Variants in MARK4 observed in about 807,000 individuals in gnomAD.
MARK4 encodes the protein microtubule affinity regulating kinase 4, also known as MAP/microtubule affinity-regulating kinase 4.
MARK4 carries 19 observed loss-of-function variants against 81.5 expected under a neutral mutation model. The observed-to-expected ratio is 0.23, with a 90% CI of 0.16 to 0.34. The LOEUF is 0.34. Among genes scored for constraint, MARK4 ranks in the 10% least tolerant of loss-of-function variants. The pLI, the probability that MARK4 is intolerant of heterozygous loss-of-function variation, is 1.00. For synonymous variants in MARK4, 436 were observed against 439.0 expected (o/e 0.99, Z 0.08); for missense variants, 772 against 1,058.8 (o/e 0.73, Z 3.76).
intron 15 of MARK4, 124 bp downstream of exon 15, chr19:45,298,078 T>TTTC (rs981243495): frequency 2.1e-4 from 293 of 1,428,478 alleles, no homozygotes; most frequent in Non-Finnish European, 2.7e-4. Flanking sequence ...CTCCTCCTCG[T>TTTC]TTCCTCCTCC....
chr19:45,286,371 A>G (rs1023710802), intron 12 of MARK4, among the ~76,000 whole-genome samples: 3 of 148,770 alleles, frequency 2.0e-5, no homozygotes, highest in Admixed American at 2.0e-4. Context: ...GGGTTTTAAT[A>G]TGAATTCCTT....
At chr19:45,289,778 A>G (rs549798642) in intron 13 of MARK4, among the ~76,000 whole-genome samples, 1 of 151,868 alleles carries the variant, frequency 6.6e-6, no homozygotes, top group South Asian at 2.1e-4. Flanking sequence ...TCAAAACAAA[A>G]CAAAACAAAA....
At chr19:45,260,896 T>A (rs570185894) in intron 2 of MARK4, among the ~76,000 whole-genome samples, 1 of 152,256 alleles carries the variant, frequency 6.6e-6, no homozygotes, top group East Asian at 1.9e-4. Flanking sequence ...AGAGCAGGCA[T>A]CTGTGCTGAG....
chr19:45,290,828 GACTCCAGGGC>G (rs1264399386), intron 13 of MARK4, among the ~76,000 whole-genome samples: 1 of 152,208 alleles, frequency 6.6e-6, no homozygotes, highest in Non-Finnish European at 1.5e-5. Flanking sequence ...CAGGGCCCTG[GACTCCAGGGC>G]TGTGCAGAGC....
At position 45,253,856 on chromosome 19, in the gene MARK4, G is replaced by A. The variant is rs75996535; in HGVS notation, c.51+2217G>A. 4.9e-3 allele frequency among the ~76,000 whole-genome samples: 750 copies of A among 152,186 alleles called. 18 individuals are homozygous for A. In the East Asian group the frequency reaches 0.053, roughly 11 times the overall value. ...TGTCCCTCCCTAGCTGTGTGACCTC[G>A]GGCAAGTAACCTTACCTCTCTGAGC... On this transcript the variant is annotated intron_variant, in intron 1 of 16. Coordinates refer to ENST00000262891, the MANE Select transcript of MARK4 (RefSeq NM_001199867.2).
intron 1 of MARK4, among the ~76,000 whole-genome samples, chr19:45,251,914 C>T (rs1970247289): frequency 6.6e-6 from 1 of 151,944 alleles, no homozygotes; most frequent in Admixed American, 6.5e-5. Flanking sequence ...GAAGCCCCTT[C>T]CCCTGCTTCC....
intron 2 of MARK4, among the ~76,000 whole-genome samples, chr19:45,260,564 G>A (rs1353193103): frequency 6.6e-6 from 1 of 151,946 alleles, no homozygotes; most frequent in Admixed American, 6.6e-5. Context: ...GGGTGTGGTG[G>A]TGCGTGCCTG....
intron 8 of MARK4, among the ~76,000 whole-genome samples, chr19:45,274,633 AAAAAC>A (rs765382116): frequency 6.6e-6 from 1 of 152,120 alleles, no homozygotes; most frequent in African/African-American, 2.4e-5. Flanking sequence ...TCTGTCTCAA[AAAAAC>A]AAAACAAAAC....
chr19:45,264,600 G>C, intron 4 of MARK4, 84 bp from the exon 5 acceptor site: 5 of 1,337,542 alleles, frequency 3.7e-6, no homozygotes, highest in Non-Finnish European at 4.3e-6. Flanking sequence ...GGGTGTTATG[G>C]TTGGCACATT....
chr19:45,269,163 G>C (rs75823390), intron 7 of MARK4, among the ~76,000 whole-genome samples: 1 of 152,176 alleles, frequency 6.6e-6, no homozygotes, highest in Non-Finnish European at 1.5e-5. Context: ...CGGATCACCT[G>C]AGGTCAGGAG....
Position 45,287,679 on chromosome 19 carries a change from C to T in MARK4, c.1494+15C>T, listed in dbSNP as rs1365792271. On this transcript the variant is annotated intron_variant, in intron 13 of 16. Coordinates refer to ENST00000262891, the MANE Select transcript of MARK4 (RefSeq NM_001199867.2). ...CGAGCACCCCCGTGAGTGACCAGGGCTGGGGGGCAGGGCTGGGGGCGCCAC... is the reference window on the plus strand; with the variant it reads ...CGAGCACCCCCGTGAGTGACCAGGGTTGGGGGGCAGGGCTGGGGGCGCCAC... The T allele has an allele frequency of 8.1e-6, 13 of 1,602,536 alleles. No individual in the cohort carries two copies. The highest frequency in any genetic ancestry group is 9.4e-6 in the Non-Finnish European group (11 of 1,174,176).
chr19:45,253,672 C>G (rs1764454378), intron 1 of MARK4, among the ~76,000 whole-genome samples: 1 of 152,146 alleles, frequency 6.6e-6, no homozygotes, highest in African/African-American at 2.4e-5. Context: ...TTCCTTATCT[C>G]TAAATCGGGT....
At chr19:45,268,896 G>A (rs931042243) in intron 7 of MARK4, among the ~76,000 whole-genome samples, 2 of 152,124 alleles carry the variant, frequency 1.3e-5, no homozygotes, top group African/African-American at 2.4e-5. Context: ...CCCTCCACAC[G>A]GCCCTGGAGG....
chr19:45,291,928 G>A (rs7250791), intron 13 of MARK4, among the ~76,000 whole-genome samples: 1 of 152,222 alleles, frequency 6.6e-6, no homozygotes, highest in African/African-American at 2.4e-5. Context: ...TCATCTCATA[G>A]CCTTGCCTGT....
chr19:45,300,280 G>A (rs1970950483), intron 16 of MARK4, among the ~76,000 whole-genome samples: 1 of 148,880 alleles, frequency 6.7e-6, no homozygotes, highest in African/African-American at 2.5e-5. Context: ...GGGAGGCAGA[G>A]GTTGCGGTGA....
rs1340397723 is a variant in MARK4 at position 45,302,338 on chromosome 19, C to A, written c.1923-36C>A. On this transcript the variant is annotated intron_variant, in intron 16 of 16. Coordinates refer to ENST00000262891, the MANE Select transcript of MARK4 (RefSeq NM_001199867.2). The surrounding 1 kb of genome is among the most constrained non-coding windows in gnomAD (Gnocchi z 4.9). ...CAGCCCTCCACCACATTCCTCTTCG[C>A]TCCCATCTCTGACCCCTGACATCTT... is the stretch of plus-strand genomic sequence containing the variant. The A allele has an allele frequency of 6.2e-7, 1 of 1,613,704 alleles. No homozygotes were observed.
At chr19:45,267,059 G>GTTTTTA (rs1290255916) in intron 7 of MARK4, among the ~76,000 whole-genome samples, 1 of 150,754 alleles carries the variant, frequency 6.6e-6, no homozygotes, top group African/African-American at 2.4e-5. Flanking sequence ...AGAAGGCTTC[G>GTTTTTA]TTTTTATTTT....
chr19:45,287,202 CAAA>C (rs139216602), intron 12 of MARK4, among the ~76,000 whole-genome samples: 8 of 65,492 alleles, frequency 1.2e-4, no homozygotes, highest in Admixed American at 5.3e-4. Flanking sequence ...GACTTTGTCT[CAAA>C]AAAAAAAAAA....
At chr19:45,265,306 G>A (rs1970437233) in intron 6 of MARK4, among the ~76,000 whole-genome samples, 1 of 151,996 alleles carries the variant, frequency 6.6e-6, no homozygotes. Context: ...GCCCAGGTAT[G>A]TAGGTATGTA....
Sources: gnomAD v4.1 joint callset for allele counts (sites outside exome capture counted in the v4.1 genomes callset) on GRCh38, gnomAD v4.1.1 for gene constraint, Gnocchi (gnomAD v3.1) non-coding constraint, MANE v1.5 for transcripts, NCBI Gene and HGNC (gene_info 2026-07-23, HGNC 2026-07-21) for gene names.